COL4A3: variants seen among roughly 807,000 people sequenced by gnomAD.
COL4A3 encodes collagen alpha-3(IV) chain.
COL4A3 carries 135 observed loss-of-function variants against 217.4 expected under a neutral mutation model. That is an observed-to-expected ratio of 0.62 (90% confidence interval 0.54 to 0.72). The LOEUF (loss-of-function observed/expected upper bound fraction) is 0.72. COL4A3 is among the 30% of genes least tolerant of loss of function. The pLI is 0.00. For synonymous variants in COL4A3, 690 were observed against 736.3 expected, an observed-to-expected ratio of 0.94 and a Z score of 1.02; for missense variants, 1,868 against 2,119.9, an observed-to-expected ratio of 0.88 and a Z score of 2.33.
chr2:227,248,231 T>C (rs2069470741), intron 8 of COL4A3: 5 of 503,560 alleles, frequency 9.9e-6, no homozygotes, highest in Admixed American at 5.1e-5. Context: ...TGTGCCACTG[T>C]ACTGGGCCCA....
chr2:227,246,844 G>A, intron 7 of COL4A3, 106 bp downstream of exon 7: 1 of 957,990 alleles, frequency 1.0e-6, no homozygotes, highest in Non-Finnish European at 1.7e-6. Context: ...AGGGAAGTCT[G>A]GGGTAGCCAT....
rs1053471193 is a variant in COL4A3 at position 227,191,215 on chromosome 2, G to T, written c.87+26402G>T. On this transcript the variant is annotated intron_variant, in intron 1 of 51. Coordinates refer to ENST00000396578, the MANE Select transcript of COL4A3 (RefSeq NM_000091.5). The surrounding 1 kb of genome is among the most constrained non-coding windows in gnomAD (Gnocchi z 6.8). ...AATTTTTATTATTATAAGTAATACT[G>T]CTATGATCATGCCAATGACACTCTG... Among the ~76,000 whole-genome samples, 1 of 151,892 alleles carries T rather than the reference G, an allele frequency of 6.6e-6. No homozygotes were observed. The highest frequency in any genetic ancestry group is 6.6e-5 in the Admixed American group (1 of 15,250).
intron 1 of COL4A3, among the ~76,000 whole-genome samples, chr2:227,165,476 T>G (rs1398767640): frequency 6.6e-6 from 1 of 152,242 alleles, no homozygotes; most frequent in Non-Finnish European, 1.5e-5. Flanking sequence ...ACTGGATTTA[T>G]TTAAATCCAT....
At chr2:227,240,738 A>G (rs759882674) in intron 3 of COL4A3, among the ~76,000 whole-genome samples, 6 of 152,320 alleles carry the variant, frequency 3.9e-5, no homozygotes, top group Middle Eastern at 3.4e-3. Context: ...AAGGATTGCT[A>G]TCTTCTCCCT....
At chr2:227,293,901 C>T (rs905414150) in intron 38 of COL4A3, 6 of 392,544 alleles carry the variant, frequency 1.5e-5, no homozygotes, top group Admixed American at 3.7e-5. Context: ...TTAGGGCCCA[C>T]CCTACTGACC....
intron 19 of COL4A3, among the ~76,000 whole-genome samples, chr2:227,260,658 TTAC>T (rs2070499321): frequency 6.6e-6 from 1 of 152,226 alleles, no homozygotes; most frequent in Admixed American, 6.5e-5. Context: ...TCTGGTACAC[TTAC>T]TGTAAATCAC....
rs1237274947 is a variant in COL4A3 at position 227,263,936 on chromosome 2, G to C, written c.1307G>C (p.Gly436Ala). ...CTTCCAGGATCACCGGGACCTCCAG[G>C]ACCGCCAGGTAAAGATGTGGAAGGG... is the stretch of plus-strand genomic sequence containing the variant. ...PGLPGSPGPPGPPGDIVFRKG... is the reference protein window; with the variant it reads ...PGLPGSPGPPAPPGDIVFRKG... The change falls in exon 21 of 52, where the codon GGA becomes GCA. Residue 436 changes from glycine (G) to alanine (A), a missense_variant. Physicochemically the swap from Gly to Ala is moderately conservative, Grantham distance 60 (BLOSUM62 0). This residue lies in a region of COL4A3 where 1,503 missense variants were observed against 1,786.1 expected (regional missense o/e 0.84). Coordinates refer to ENST00000396578, the MANE Select transcript of COL4A3 (RefSeq NM_000091.5). 3.5e-5 allele frequency: 57 copies of C among 1,613,940 alleles called. No homozygotes were observed. Among genetic ancestry groups the C allele is most frequent in the East Asian group, 1.1e-4 (5 of 44,882 alleles).
chr2:227,231,693 GT>G (rs1356347414), intron 1 of COL4A3, among the ~76,000 whole-genome samples: 1 of 151,922 alleles, frequency 6.6e-6, no homozygotes, highest in African/African-American at 2.4e-5. Context: ...GCTAAATTTT[GT>G]TTTTGTTTTC....
intron 50 of COL4A3, 140 bp downstream of exon 50, chr2:227,309,458 C>G: frequency 1.5e-6 from 1 of 688,776 alleles, no homozygotes. Flanking sequence ...CCTTGAAAAT[C>G]TACAAACAGA....
intron 1 of COL4A3, among the ~76,000 whole-genome samples, chr2:227,202,824 T>C (rs797020001): frequency 0.021 from 2,174 of 101,914 alleles, 468 homozygotes; most frequent in Non-Finnish European, 0.034. Flanking sequence ...TATACATATA[T>C]GTGTATCTAT....
intron 1 of COL4A3, among the ~76,000 whole-genome samples, chr2:227,176,969 A>G (rs1393640318): frequency 6.6e-6 from 1 of 152,176 alleles, no homozygotes; most frequent in Admixed American, 6.5e-5. Flanking sequence ...CAAAATTTGG[A>G]AAAAGTCTAC....
intron 1 of COL4A3, among the ~76,000 whole-genome samples, chr2:227,198,170 A>G (rs1183290504): frequency 6.6e-6 from 1 of 152,180 alleles, no homozygotes; most frequent in Admixed American, 6.5e-5. Context: ...GTTCTCAGCT[A>G]TCTATGTGGG....
At chr2:227,269,774 G>C in intron 23 of COL4A3, 136 bp from the exon 24 acceptor site, 1 of 714,418 alleles carries the variant, frequency 1.4e-6, no homozygotes, top group South Asian at 1.5e-5. Flanking sequence ...TTCTCTTATT[G>C]CATTTATGTT....
intron 1 of COL4A3, among the ~76,000 whole-genome samples, chr2:227,182,625 G>C (rs996894154): frequency 2.6e-5 from 4 of 152,130 alleles, no homozygotes; most frequent in Non-Finnish European, 5.9e-5. Context: ...GCAGTAGCTT[G>C]ATAAACATTA....
rs781380101 is a variant in COL4A3, at chr2:227,164,717, C to T, written c.-10C>T. 2.8e-4 allele frequency: 430 copies of T among 1,530,590 alleles called. 4 individuals are homozygous for T. The Middle Eastern group carries it at 5.3e-3, about 19-fold the overall frequency. 94.8% of individuals were successfully genotyped at this position (1,530,590 alleles called of 1,614,324 possible). A position where few individuals can be genotyped will look rare whatever the true frequency, so the allele number is the denominator to read the frequency against. ...CCCGGACTCGCCCAGGCTCTGAGCG[C>T]GCGCCCACCATGAGCGCCCGGACCG... On this transcript the variant is annotated 5_prime_UTR_variant, in exon 1 of 52. Coordinates refer to ENST00000396578, the MANE Select transcript of COL4A3 (RefSeq NM_000091.5). This position sits in a 1 kb window ranked among gnomAD's most constrained non-coding sequence, Gnocchi z 4.8.
At position 227,282,710 on chromosome 2, in the gene COL4A3, T is replaced by G. The variant is rs2106165803; in HGVS notation, c.2656+178T>G. ...GTGCAGGGAAACGGTGGCGGCAGGATGAACAATTACCCAGAATGTGGCTAT... is the reference window on the plus strand; with the variant it reads ...GTGCAGGGAAACGGTGGCGGCAGGAGGAACAATTACCCAGAATGTGGCTAT... On this transcript the variant is annotated intron_variant, in intron 32 of 51. Coordinates refer to ENST00000396578, the MANE Select transcript of COL4A3 (RefSeq NM_000091.5). This position sits in a 1 kb window ranked among gnomAD's most constrained non-coding sequence, Gnocchi z 4.4. 6.6e-6 allele frequency among the ~76,000 whole-genome samples: 1 copy of G among 152,330 alleles called. No individual in the cohort carries two copies. The highest frequency in any genetic ancestry group is 3.4e-3 in the Middle Eastern group (1 of 294).
intron 1 of COL4A3, among the ~76,000 whole-genome samples, chr2:227,205,473 A>G (rs2067066185): frequency 6.6e-6 from 1 of 152,154 alleles, no homozygotes; most frequent in South Asian, 2.1e-4. Flanking sequence ...CAATGCTTCT[A>G]TAGTATCTCA....
In COL4A3 at chr2:227,294,711, G is replaced by C; in HGVS notation, c.3418+141G>C. On this transcript the variant is annotated intron_variant, in intron 39 of 51. Coordinates refer to ENST00000396578, the MANE Select transcript of COL4A3 (RefSeq NM_000091.5). ...TCCAGACAAAAATGCAAAAAAAATG[G>C]GGTTAGATATTTCTATCTATTTAAT... 3 of 726,522 alleles carry C rather than the reference G, an allele frequency of 4.1e-6. No homozygotes were observed. In the East Asian group the frequency reaches 7.9e-5, roughly 19 times the overall value. 45.0% of individuals were successfully genotyped at this position (726,522 alleles called of 1,614,324 possible).
At chr2:227,311,627 C>T (rs2073744295) in intron 51 of COL4A3, among the ~76,000 whole-genome samples, 159 bp from the exon 52 acceptor site, 1 of 152,224 alleles carries the variant, frequency 6.6e-6, no homozygotes, top group Non-Finnish European at 1.5e-5. Flanking sequence ...ATCCTCCCAC[C>T]TCAGCCTCCC....
Sources: allele counts gnomAD v4.1 joint callset (sites outside exome capture counted in the v4.1 genomes callset), GRCh38; gene constraint gnomAD v4.1.1; regional missense constraint gnomAD v4.1.1; non-coding constraint Gnocchi (gnomAD v3.1); transcripts MANE v1.5; gene names NCBI Gene and HGNC (gene_info 2026-07-23, HGNC 2026-07-21).